Variants in SYNE1 observed in about 807,000 individuals in gnomAD.
SYNE1 encodes the protein spectrin repeat containing nuclear envelope protein 1, also known as nesprin-1.
A neutral mutation model predicts 1,111.0 loss-of-function variants in SYNE1; 616 were observed. The ratio of observed to expected loss-of-function variants is 0.55; its 90% CI spans 0.52 to 0.59. The LOEUF (loss-of-function observed/expected upper bound fraction) is 0.59, where lower values mean the gene tolerates loss of function less well. SYNE1 is among the 20% of genes least tolerant of loss of function. The pLI is 0.00. For synonymous variants in SYNE1, 3,855 were observed against 3,825.8 expected, an observed-to-expected ratio of 1.01 and a Z score of -0.28; for missense variants, 10,006 against 10,417.0, an observed-to-expected ratio of 0.96 and a Z score of 1.72.
At position 152,472,351 on chromosome 6, in the gene SYNE1, A is replaced by G. The variant is rs1324268011; in HGVS notation, c.1413T>C (p.Ser471=). 1 of 1,614,122 alleles carries G rather than the reference A, an allele frequency of 6.2e-7. No individual in the cohort carries two copies. Among genetic ancestry groups the G allele is most frequent in the Admixed American group, 1.7e-5 (1 of 60,020 alleles). ...CAGGTGGCACTGGAATCCCGTTAAC[A>G]GACCTGGTCCGGTAGATTTCATGGA... ...RAFHEIYRTR[S]VNGIPVPPDQ... is the part of the protein sequence containing the mutation. The change falls in exon 15 of 146, where the codon TCT becomes TCC. Residue 471 remains serine (S), a synonymous_variant. Coordinates refer to ENST00000367255, the MANE Select transcript of SYNE1 (RefSeq NM_182961.4).
intron 98 of SYNE1, chr6:152,277,677 CA>C: frequency 4.4e-6 from 1 of 227,842 alleles, no homozygotes; most frequent in East Asian, 1.0e-4. Context: ...ATGAAATACT[CA>C]AATTGTGATG....
rs532998008 is a variant in SYNE1, at chr6:152,164,839, G to A, written c.23628-514C>T. 2.0e-5 allele frequency among the ~76,000 whole-genome samples: 3 copies of A among 152,230 alleles called. No individual in the cohort carries two copies. In the East Asian group the frequency reaches 5.8e-4, roughly 29 times the overall value. On this transcript the variant is annotated intron_variant, in intron 130 of 145. Coordinates refer to ENST00000367255, the MANE Select transcript of SYNE1 (RefSeq NM_182961.4). The stretch of plus-strand genomic sequence containing the variant: ...CTCGCCTTTTGGTTCAGGAAATATG[G>A]CCACCTAATTGGCACTGCTCATAAC...
At chr6:152,286,516 CTTTAAG>C in intron 95 of SYNE1, among the ~76,000 whole-genome samples, 1 of 152,214 alleles carries the variant, frequency 6.6e-6, no homozygotes, top group Non-Finnish European at 1.5e-5. Flanking sequence ...ATTGTTTTCA[CTTTAAG>C]TTTTTCTAGT....
chr6:152,418,539 A>T (rs1321269322), intron 40 of SYNE1, among the ~76,000 whole-genome samples: 1 of 152,188 alleles, frequency 6.6e-6, no homozygotes, highest in Admixed American at 6.5e-5. Context: ...ATGCTTTATG[A>T]TCAATATCGG....
intron 19 of SYNE1, 117 bp from the exon 20 acceptor site, chr6:152,463,007 T>A: frequency 8.2e-7 from 1 of 1,222,884 alleles, no homozygotes; most frequent in Non-Finnish European, 1.2e-6. Context: ...AAGACTCTAA[T>A]CTTTGATTCT....
chr6:152,548,603 C>T (rs566022784), intron 3 of SYNE1, among the ~76,000 whole-genome samples: 14 of 152,292 alleles, frequency 9.2e-5, no homozygotes, highest in African/African-American at 2.2e-4. Flanking sequence ...AAGATGCAAA[C>T]GATGCAACAC....
chr6:152,136,785 T>C lies in SYNE1; in HGVS notation c.25492A>G (p.Ile8498Val), dbSNP rs758034437. The C allele has an allele frequency of 1.9e-6, 3 of 1,614,122 alleles. No individual in the cohort carries two copies. Among genetic ancestry groups the C allele is most frequent in the African/African-American group, 2.7e-5 (2 of 74,940 alleles). ...LQKAVDHRKA[I>V]ILSINLCSPE... ...CTGCAGAGATTGATGGAGAGGATGA[T>C]GGCTTTGCGGTGGTCCACAGCTTTC... is the stretch of plus-strand genomic sequence containing the variant. The change falls in exon 141 of 146, where the codon ATC (isoleucine) becomes GTC (valine). Residue 8498 changes from isoleucine (I) to valine (V), a missense_variant. By Grantham distance (29) the Ile-to-Val change is conservative (BLOSUM62 3). Coordinates refer to ENST00000367255, the MANE Select transcript of SYNE1 (RefSeq NM_182961.4).
intron 95 of SYNE1, among the ~76,000 whole-genome samples, chr6:152,292,123 G>T (rs9479286): frequency 6.6e-6 from 1 of 152,130 alleles, no homozygotes; most frequent in Non-Finnish European, 1.5e-5. Context: ...GTGGCCGCTG[G>T]CAACAGAAAA....
intron 104 of SYNE1, among the ~76,000 whole-genome samples, chr6:152,254,244 C>CTTTTTTTTTTTTTTTT (rs773598537): frequency 1.4e-5 from 1 of 73,144 alleles, no homozygotes; most frequent in African/African-American, 5.8e-5. Context: ...TCTGCATACT[C>CTTTTTTTTTTTTTTTT]TTTTTTTTTT....
chr6:152,598,906 G>A lies in SYNE1; in HGVS notation c.67+29359C>T, dbSNP rs566985120. On this transcript the variant is annotated intron_variant, in intron 3 of 145. Transcript: ENST00000367255. ...ATGTTAATCCAGATGTTTTGCTGCTGTTCATCTTTGTCACAGAGAGAAGCC... is the reference window on the plus strand; with the variant it reads ...ATGTTAATCCAGATGTTTTGCTGCTATTCATCTTTGTCACAGAGAGAAGCC... Among the ~76,000 whole-genome samples, 28 of 152,202 alleles carry A rather than the reference G, an allele frequency of 1.8e-4. 2 individuals are homozygous for A. The highest frequency in any genetic ancestry group is 6.5e-4 in the African/African-American group (27 of 41,554).
At chr6:152,302,285 C>T (rs1264264933) in intron 91 of SYNE1, 1 of 624,802 alleles carries the variant, frequency 1.6e-6, no homozygotes, top group Non-Finnish European at 2.8e-6. Context: ...AGCCCGCGTC[C>T]CCGCGTCGGT....
intron 91 of SYNE1, among the ~76,000 whole-genome samples, chr6:152,306,569 A>C (rs940145686): frequency 6.6e-5 from 10 of 151,600 alleles, no homozygotes; most frequent in Non-Finnish European, 1.2e-4. Flanking sequence ...AAAATTTTGT[A>C]AGTTACTTTA....
intron 41 of SYNE1, among the ~76,000 whole-genome samples, chr6:152,414,922 A>G (rs2098129498): frequency 6.6e-6 from 1 of 152,158 alleles, no homozygotes; most frequent in Non-Finnish European, 1.5e-5. Context: ...AACTAATCAG[A>G]TAATTTATTG....
chr6:152,456,953 A>C (rs2098700578), intron 22 of SYNE1, among the ~76,000 whole-genome samples: 1 of 152,222 alleles, frequency 6.6e-6, no homozygotes, highest in Non-Finnish European at 1.5e-5. Flanking sequence ...AGGAGATAAA[A>C]GGGTAATATA....
intron 29 of SYNE1, among the ~76,000 whole-genome samples, chr6:152,445,992 G>A (rs2098584517): frequency 6.6e-6 from 1 of 152,036 alleles, no homozygotes; most frequent in Non-Finnish European, 1.5e-5. Context: ...ACATTCATTA[G>A]AGAGAGATTC....
chr6:152,318,397 G>A, intron 85 of SYNE1, 134 bp from the exon 86 acceptor site: 1 of 1,014,526 alleles, frequency 9.9e-7, no homozygotes, highest in Non-Finnish European at 1.5e-6. Flanking sequence ...CTATGATCAG[G>A]TCATTTTTGT....
Position 152,331,828 on chromosome 6 carries a change from T to G in SYNE1, c.12857A>C (p.Gln4286Pro). The part of the protein sequence containing the change: ...EALKKLALAL[Q>P]ERKYAIEDLK... ...ATCTTCAATAGCATACTTTCTCTCC[T>G]GCAATGCCAATGCTAACTTTTTCAA... The change falls in exon 78 of 146, where the codon CAG becomes CCG. Residue 4286 changes from glutamine (Q) to proline (P), a missense_variant. This residue lies in a region of SYNE1 where 4,955 missense variants were observed against 5,017.2 expected (regional missense o/e 0.99). Coordinates refer to ENST00000367255, the MANE Select transcript of SYNE1 (RefSeq NM_182961.4). 1 of 1,614,074 alleles carries G rather than the reference T, an allele frequency of 6.2e-7. No individual in the cohort carries two copies. Among genetic ancestry groups the G allele is most frequent in the Non-Finnish European group, 8.5e-7 (1 of 1,180,040 alleles).
Position 152,242,435 on chromosome 6 carries a change from C to A in SYNE1, c.19698G>T (p.Met6566Ile), listed in dbSNP as rs35654757. ...CAATGATCATCATCAGCTCATCATA[C>A]ATGTCCTAAGAAGCAGAGACCACAA... is the stretch of plus-strand genomic sequence containing the variant. ...SMQELSKLQD[M>I]YDELMMIIGS... The change falls in exon 107 of 146, where the codon ATG becomes ATT. Residue 6566 changes from methionine to isoleucine, a missense_variant. Coordinates refer to ENST00000367255, the MANE Select transcript of SYNE1 (RefSeq NM_182961.4). 1,594 of 1,613,970 alleles carry A rather than the reference C, an allele frequency of 9.9e-4. 11 individuals carry two copies. In the African/African-American group the frequency reaches 0.019, roughly 19 times the overall value.
chr6:152,167,675 A>G (rs1223799234), intron 130 of SYNE1: 2 of 469,402 alleles, frequency 4.3e-6, no homozygotes, highest in Non-Finnish European at 8.7e-6. Flanking sequence ...AAATAGTTTT[A>G]TTTCATGAAA....
Sources: allele counts gnomAD v4.1 joint callset (sites outside exome capture counted in the v4.1 genomes callset), GRCh38; gene constraint gnomAD v4.1.1; regional missense constraint gnomAD v4.1.1; transcripts MANE v1.5; gene names NCBI Gene and HGNC (gene_info 2026-07-23, HGNC 2026-07-21).